CDC42BPB: variants seen among roughly 807,000 people sequenced by gnomAD.
CDC42BPB encodes serine/threonine-protein kinase MRCK beta.
Under a neutral mutation model 214.9 loss-of-function variants are expected in CDC42BPB, and 37 were observed. The ratio of observed to expected loss-of-function variants is 0.17; its 90% CI spans 0.13 to 0.23. CDC42BPB has a LOEUF of 0.23. CDC42BPB is among the 10% of genes least tolerant of loss of function. The pLI, the probability that CDC42BPB is intolerant of heterozygous loss-of-function variation, is 1.00. For synonymous variants in CDC42BPB, 931 were observed against 884.0 expected (o/e 1.05, Z -0.94); for missense variants, 1,694 against 2,227.0 (o/e 0.76, Z 4.82).
intron 19 of CDC42BPB, among the ~76,000 whole-genome samples, chr14:102,963,752 A>C (rs1036289097): frequency 6.6e-6 from 1 of 152,252 alleles, no homozygotes; most frequent in African/African-American, 2.4e-5. Flanking sequence ...GGAGGGTCAC[A>C]GGATTTAACA....
intron 1 of CDC42BPB, among the ~76,000 whole-genome samples, chr14:103,047,381 C>G (rs552711913): frequency 6.6e-6 from 1 of 152,028 alleles, no homozygotes; most frequent in East Asian, 1.9e-4. Context: ...TCAAAAAGAC[C>G]CACCAAAGAA....
At position 102,939,763 on chromosome 14, in the gene CDC42BPB, C is replaced by A. The variant is rs371308106; in HGVS notation, c.4710-36G>T. The stretch of plus-strand genomic sequence containing the variant: ...GACACACTTTTGAGATTCATGGATA[C>A]GTGAGAATCCTCTTGGCCCCCTCCC... On this transcript the variant is annotated intron_variant, in intron 33 of 36. Coordinates refer to ENST00000361246, the MANE Select transcript of CDC42BPB (RefSeq NM_006035.4). 2.5e-6 allele frequency: 4 copies of A among 1,613,954 alleles called. No homozygotes were observed. In the African/African-American group the frequency reaches 4.0e-5, roughly 16 times the overall value.
At chr14:102,965,388 TAAAAAA>T (rs765936398) in intron 18 of CDC42BPB, among the ~76,000 whole-genome samples, 2 of 115,268 alleles carry the variant, frequency 1.7e-5, no homozygotes, top group Admixed American at 9.3e-5. Flanking sequence ...TACCTGTGAT[TAAAAAA>T]AAAAAAAAAA....
At chr14:102,992,807 TA>T (rs1008831572) in intron 5 of CDC42BPB, among the ~76,000 whole-genome samples, 13 of 148,400 alleles carry the variant, frequency 8.8e-5, no homozygotes, top group African/African-American at 3.2e-4. Context: ...AAATATATAT[TA>T]AAAATATATA....
Position 102,980,754 on chromosome 14 carries a change from A to T in CDC42BPB, c.1140+19T>A. ...AGACCCACAGCCAGCAACCCTGAGA[A>T]CGGTGCTTTCACACTCACCGTGTTT... On this transcript the variant is annotated intron_variant, in intron 8 of 36. Coordinates refer to ENST00000361246, the MANE Select transcript of CDC42BPB (RefSeq NM_006035.4). 6.2e-7 allele frequency: 1 copy of T among 1,612,874 alleles called. No homozygotes were observed. The highest frequency in any genetic ancestry group is 8.5e-7 in the Non-Finnish European group (1 of 1,178,966).
chr14:102,966,399 A>C lies in CDC42BPB; in HGVS notation c.2472-12T>G. On this transcript the variant is annotated splice_polypyrimidine_tract_variant and intron_variant, in intron 17 of 36. Coordinates refer to ENST00000361246, the MANE Select transcript of CDC42BPB (RefSeq NM_006035.4). ...TCTCGTCACTGACCCTGGAGGAGGG[A>C]ACAGATGTTCTATCTCACGAAGCAT... The C allele has an allele frequency of 6.2e-7, 1 of 1,612,610 alleles. No individual in the cohort carries two copies.
chr14:102,986,454 AC>A (rs1229656089), intron 6 of CDC42BPB, 32 bp downstream of exon 6: 4 of 1,560,814 alleles, frequency 2.6e-6, no homozygotes, highest in African/African-American at 1.4e-5. Flanking sequence ...CAAACCCAAA[AC>A]CAAATGGAAA....
At chr14:103,047,903 C>CA (rs376515642) in intron 1 of CDC42BPB, among the ~76,000 whole-genome samples, 23 of 127,748 alleles carry the variant, frequency 1.8e-4, no homozygotes, top group South Asian at 7.6e-4. Context: ...ACTCTGTGTC[C>CA]AAAAAAAAAA....
intron 3 of CDC42BPB, among the ~76,000 whole-genome samples, chr14:103,007,539 C>A (rs190838473): frequency 6.6e-6 from 1 of 152,238 alleles, no homozygotes; most frequent in African/African-American, 2.4e-5. Context: ...CCAAGAAGGA[C>A]TTCCCAAAAT....
chr14:102,979,507 C>T (rs78825109), intron 8 of CDC42BPB, among the ~76,000 whole-genome samples: 8,785 of 152,184 alleles, frequency 0.058, 521 homozygotes, highest in African/African-American at 0.15. Context: ...TCGCCGCACC[C>T]GGCCCAGATT....
intron 2 of CDC42BPB, among the ~76,000 whole-genome samples, chr14:103,010,832 C>A (rs1886115552): frequency 6.6e-6 from 1 of 152,180 alleles, no homozygotes. Flanking sequence ...GAGATCAAGA[C>A]CATCCTGGCT....
rs368560478 is a variant in CDC42BPB, at chr14:102,959,945, G to A, written c.2822-235C>T. The stretch of plus-strand genomic sequence containing the variant: ...CAAGGGACTGGGTGCGGTGGCTCAC[G>A]CCTGTAATCCCAACACTTTGGGAGG... On this transcript the variant is annotated intron_variant, in intron 20 of 36. Coordinates refer to ENST00000361246, the MANE Select transcript of CDC42BPB (RefSeq NM_006035.4). 4.6e-5 allele frequency: 29 copies of A among 633,990 alleles called. No homozygotes were observed. In the East Asian group the frequency reaches 2.3e-3, roughly 49 times the overall value. The allele number at this position is 633,990 out of a possible 1,614,324, so 39.3% of individuals were successfully genotyped here. A position where few individuals can be genotyped will look rare whatever the true frequency, so the allele number is the denominator to read the frequency against.
At chr14:103,056,566 C>T (rs1223124670) in intron 1 of CDC42BPB, among the ~76,000 whole-genome samples, 1 of 113,726 alleles carries the variant, frequency 8.8e-6, no homozygotes, top group Non-Finnish European at 1.9e-5. Context: ...AGGCGAGGTG[C>T]GGGGGCGGGG....
chr14:102,936,133 C>A (rs1566836177), intron 36 of CDC42BPB, among the ~76,000 whole-genome samples: 1 of 152,164 alleles, frequency 6.6e-6, no homozygotes, highest in African/African-American at 2.4e-5. Flanking sequence ...GATATGAGAA[C>A]CCTCACATTG....
At position 102,968,627 on chromosome 14, in the gene CDC42BPB, T is replaced by G; in HGVS notation, c.2085A>C (p.Leu695Phe). The G allele has an allele frequency of 6.8e-6, 11 of 1,614,254 alleles. No individual in the cohort carries two copies. The highest frequency in any genetic ancestry group is 9.3e-6 in the Non-Finnish European group (11 of 1,180,044). ...KIKSELEKKV[L>F]FYEEELVRRE... ...GTCTGACCAATTCCTCTTCATAAAA[T>G]AAGACTTTCTTCTCCAGCTCGGATT... The change falls in exon 15 of 37, where the codon TTA becomes TTC. Residue 695 changes from leucine (L) to phenylalanine (F), a missense_variant. Transcript: ENST00000361246.
chr14:103,032,605 T>A, intron 1 of CDC42BPB, among the ~76,000 whole-genome samples: 1 of 134,074 alleles, frequency 7.5e-6, no homozygotes, highest in African/African-American at 2.7e-5. Flanking sequence ...AGGTGTACAA[T>A]CCAAATGCCT....
chr14:102,986,075 C>G (rs1292056846), intron 6 of CDC42BPB, among the ~76,000 whole-genome samples: 1 of 152,222 alleles, frequency 6.6e-6, no homozygotes, highest in African/African-American at 2.4e-5. Flanking sequence ...AAACCCCTAG[C>G]AGGAAGTTAC....
At chr14:103,030,820 CA>C (rs1566914782) in intron 1 of CDC42BPB, among the ~76,000 whole-genome samples, 1 of 152,130 alleles carries the variant, frequency 6.6e-6, no homozygotes, top group African/African-American at 2.4e-5. Flanking sequence ...CCCGTCTCTA[CA>C]AAAAAATTCA....
intron 5 of CDC42BPB, among the ~76,000 whole-genome samples, chr14:102,991,931 A>C (rs1894511486): frequency 6.6e-6 from 1 of 152,262 alleles, no homozygotes; most frequent in Admixed American, 6.5e-5. Flanking sequence ...CCCTAGCCAC[A>C]GAGGGCTATT....
Sources: allele counts gnomAD v4.1 joint callset (sites outside exome capture counted in the v4.1 genomes callset), GRCh38; gene constraint gnomAD v4.1.1; transcripts MANE v1.5; gene names NCBI Gene and HGNC (gene_info 2026-07-23, HGNC 2026-07-21).